ST18: variants seen among roughly 807,000 people sequenced by gnomAD.
The protein encoded by ST18 is suppression of tumorigenicity 18 protein.
ST18 carries 50 observed loss-of-function variants against 110.0 expected under a neutral mutation model. That is an observed-to-expected ratio of 0.45 (90% CI 0.36 to 0.58). The LOEUF (loss-of-function observed/expected upper bound fraction) is 0.58. Among genes scored for constraint, ST18 ranks in the 20% least tolerant of loss-of-function variants. ST18 has a pLI of 0.00. For missense variants in ST18, 1,306 were observed against 1,280.1 expected (o/e 1.02, Z -0.31); for synonymous variants, 461 against 452.4 (o/e 1.02, Z -0.24).
rs1253139655 is a variant in ST18, at chr8:52,135,586, A to G, written c.2300+1004T>C. ...TCCATCTCAAAAAAAAAAAAAAAAAAAAAAAGAAAGAAAGAAAAAAGGAAA... is the reference window on the plus strand; with the variant it reads ...TCCATCTCAAAAAAAAAAAAAAAAAGAAAAAGAAAGAAAGAAAAAAGGAAA... On this transcript the variant is annotated intron_variant, in intron 19 of 25. Transcript: ENST00000689386. 6.4e-3 allele frequency among the ~76,000 whole-genome samples: 963 copies of G among 150,870 alleles called. 18 individuals are homozygous for G. Among genetic ancestry groups the G allele is most frequent in the African/African-American group, 0.022 (910 of 41,214 alleles).
At chr8:52,175,669 G>A (rs1393734253) in intron 9 of ST18, among the ~76,000 whole-genome samples, 1 of 152,176 alleles carries the variant, frequency 6.6e-6, no homozygotes, top group Non-Finnish European at 1.5e-5. Flanking sequence ...GTGTTCAGCT[G>A]TTTATTTCAT....
intron 2 of ST18, among the ~76,000 whole-genome samples, chr8:52,357,602 C>T (rs1590207409): frequency 7.1e-6 from 1 of 141,704 alleles, no homozygotes; most frequent in South Asian, 2.3e-4. Flanking sequence ...TGTTTATCAA[C>T]AAAAAGTTCA....
intron 2 of ST18, among the ~76,000 whole-genome samples, chr8:52,238,125 T>C (rs1429090670): frequency 6.6e-6 from 1 of 152,188 alleles, no homozygotes; most frequent in Non-Finnish European, 1.5e-5. Flanking sequence ...AAATGTAAAA[T>C]GTTCAGCAAC....
intron 2 of ST18, among the ~76,000 whole-genome samples, chr8:52,378,568 C>T (rs534206503): frequency 2.6e-5 from 4 of 152,030 alleles, no homozygotes; most frequent in Non-Finnish European, 4.4e-5. Context: ...GGCAGGCAGT[C>T]GTATGAAAAA....
At chr8:52,193,449 G>A (rs2075221207) in intron 8 of ST18, among the ~76,000 whole-genome samples, 1 of 152,184 alleles carries the variant, frequency 6.6e-6, no homozygotes, top group Non-Finnish European at 1.5e-5. Flanking sequence ...CTCAAGGCAG[G>A]ACCGACTCTG....
chr8:52,221,001 T>C (rs565237142), intron 4 of ST18, among the ~76,000 whole-genome samples, 153 bp from the exon 5 acceptor site: 20 of 152,356 alleles, frequency 1.3e-4, no homozygotes, highest in South Asian at 2.1e-4. Context: ...ACAATTTTTA[T>C]ACTATGTATC....
intron 2 of ST18, among the ~76,000 whole-genome samples, chr8:52,331,059 G>A (rs1000466734): frequency 2.0e-5 from 3 of 152,068 alleles, no homozygotes; most frequent in Non-Finnish European, 4.4e-5. Context: ...AGTTTCCCTG[G>A]CTGCAGTTGC....
At chr8:52,240,363 T>C (rs1379946704) in intron 2 of ST18, among the ~76,000 whole-genome samples, 2 of 152,132 alleles carry the variant, frequency 1.3e-5, no homozygotes, top group Non-Finnish European at 2.9e-5. Flanking sequence ...GTCTATGGAA[T>C]TTTGCTACCT....
At chr8:52,268,168 A>G (rs1437879296) in intron 2 of ST18, among the ~76,000 whole-genome samples, 1 of 152,174 alleles carries the variant, frequency 6.6e-6, no homozygotes, top group African/African-American at 2.4e-5. Context: ...ATCCTTCTTT[A>G]TCTCCAGCAA....
chr8:52,282,878 G>T (rs545247956), intron 2 of ST18, among the ~76,000 whole-genome samples: 1 of 152,102 alleles, frequency 6.6e-6, no homozygotes, highest in Non-Finnish European at 1.5e-5. Context: ...TAAGGAATTG[G>T]CTTTCTCACC....
intron 19 of ST18, 144 bp downstream of exon 19, chr8:52,136,446 C>T (rs959311413): frequency 1.4e-6 from 1 of 734,986 alleles, no homozygotes; most frequent in Admixed American, 3.0e-5. Flanking sequence ...CATCCCAGCG[C>T]TTTAGTCAGA....
At position 52,357,712 on chromosome 8, in the gene ST18, TA is replaced by T. The variant is rs1564568580; in HGVS notation, c.-465+51615del. On this transcript the variant is annotated intron_variant, in intron 2 of 25. Transcript: ENST00000689386. The stretch of plus-strand genomic sequence containing the variant: ...ATATATATATATATATATATATATA[TA>T]TATATATATATATATATAAAACAGA... 4.1e-3 allele frequency among the ~76,000 whole-genome samples: 287 copies of T among 69,484 alleles called. 9 individuals carry two copies. Among genetic ancestry groups the T allele is most frequent in the African/African-American group, 0.022 (232 of 10,652 alleles). 45.6% of individuals were successfully genotyped at this position (69,484 alleles called of 152,430 possible).
At chr8:52,176,782 A>G (rs1329841476) in intron 9 of ST18, among the ~76,000 whole-genome samples, 1 of 152,142 alleles carries the variant, frequency 6.6e-6, no homozygotes, top group Non-Finnish European at 1.5e-5. Flanking sequence ...GTCACAACAT[A>G]TTTTGAGTTT....
intron 22 of ST18, among the ~76,000 whole-genome samples, chr8:52,129,764 G>A (rs1336493789): frequency 1.3e-5 from 2 of 152,128 alleles, no homozygotes; most frequent in Non-Finnish European, 2.9e-5. Context: ...TAACTTGGAG[G>A]CTGGGTGTGG....
chr8:52,219,692 A>G (rs1350101674), intron 5 of ST18, among the ~76,000 whole-genome samples: 2 of 152,312 alleles, frequency 1.3e-5, no homozygotes, highest in East Asian at 3.9e-4. Context: ...TCTGGGAAGC[A>G]GATCTTCCTG....
At chr8:52,257,131 C>T (rs922808004) in intron 2 of ST18, among the ~76,000 whole-genome samples, 6 of 152,128 alleles carry the variant, frequency 3.9e-5, no homozygotes, top group South Asian at 2.1e-4. Context: ...TAGCATCTAT[C>T]GGTACTTTAT....
chr8:52,184,610 C>T (rs2071250698), intron 8 of ST18, among the ~76,000 whole-genome samples: 1 of 152,092 alleles, frequency 6.6e-6, no homozygotes, highest in African/African-American at 2.4e-5. Context: ...ATGTGTTGAC[C>T]TTTCAGGTTT....
At chr8:52,319,366 A>T (rs1802881406) in intron 2 of ST18, among the ~76,000 whole-genome samples, 1 of 152,070 alleles carries the variant, frequency 6.6e-6, no homozygotes, top group Non-Finnish European at 1.5e-5. Context: ...ATCTGTTGTT[A>T]TCTGAGAAAT....
intron 2 of ST18, among the ~76,000 whole-genome samples, chr8:52,344,390 C>T (rs992647107): frequency 2.3e-5 from 3 of 127,754 alleles, no homozygotes; most frequent in African/African-American, 8.9e-5. Flanking sequence ...GATTAAAGCC[C>T]CCTACAATAA....
Sources: gnomAD v4.1 joint callset for allele counts (sites outside exome capture counted in the v4.1 genomes callset) on GRCh38, gnomAD v4.1.1 for gene constraint, MANE v1.5 for transcripts, NCBI Gene and HGNC (gene_info 2026-07-23, HGNC 2026-07-21) for gene names.